DGKB: variants seen among roughly 807,000 people sequenced by gnomAD.
DGKB encodes diacylglycerol kinase beta, also known as 90 kDa diacylglycerol kinase.
In DGKB, 67 loss-of-function variants were observed where a neutral mutation model predicts 114.3. The observed-to-expected ratio is 0.59, with a 90% CI of 0.48 to 0.72. DGKB has a LOEUF of 0.72. Ranked by LOEUF, DGKB falls within the 30% of genes least tolerant of loss-of-function variation. DGKB has a pLI of 0.00. For synonymous variants in DGKB, 398 were observed against 323.1 expected (o/e 1.23, Z -2.49); for missense variants, 907 against 975.2 (o/e 0.93, Z 0.93).
chr7:14,250,742 C>T (rs1324315001), intron 23 of DGKB, among the ~76,000 whole-genome samples: 2 of 152,144 alleles, frequency 1.3e-5, no homozygotes, highest in Non-Finnish European at 2.9e-5. Flanking sequence ...AAGTCCCCTA[C>T]CGTTATTGCA....
At chr7:14,272,700 A>G (rs1189034244) in intron 23 of DGKB, among the ~76,000 whole-genome samples, 1 of 152,142 alleles carries the variant, frequency 6.6e-6, no homozygotes, top group African/African-American at 2.4e-5. Context: ...TCTATGAGAC[A>G]TACATAAAAA....
intron 1 of DGKB, among the ~76,000 whole-genome samples, chr7:14,934,434 G>C (rs1316251106): frequency 6.6e-6 from 1 of 152,002 alleles, no homozygotes; most frequent in African/African-American, 2.4e-5. Flanking sequence ...TGTGAGTGCT[G>C]GAGTACTTGA....
chr7:14,434,503 C>A (rs1468071997), intron 21 of DGKB, among the ~76,000 whole-genome samples: 1 of 152,154 alleles, frequency 6.6e-6, no homozygotes, highest in East Asian at 1.9e-4. Context: ...GCGTTGCTGG[C>A]TTTGCAGATA....
intron 19 of DGKB, among the ~76,000 whole-genome samples, chr7:14,577,154 T>C (rs543463292): frequency 6.6e-6 from 1 of 152,334 alleles, no homozygotes; most frequent in African/African-American, 2.4e-5. Flanking sequence ...TTTACTTTCA[T>C]TATTTTGGTT....
At chr7:14,363,526 T>C (rs1440080044) in intron 21 of DGKB, among the ~76,000 whole-genome samples, 2 of 152,038 alleles carry the variant, frequency 1.3e-5, no homozygotes, top group Non-Finnish European at 2.9e-5. Context: ...AAGCAGCAGA[T>C]ACCAGAAACC....
At chr7:14,435,300 G>A (rs1363776667) in intron 21 of DGKB, among the ~76,000 whole-genome samples, 2 of 152,048 alleles carry the variant, frequency 1.3e-5, no homozygotes, top group Non-Finnish European at 2.9e-5. Flanking sequence ...GGGAATCCCT[G>A]AGTTTTTATG....
chr7:14,429,912 G>A (rs990745556), intron 21 of DGKB, among the ~76,000 whole-genome samples: 5 of 128,270 alleles, frequency 3.9e-5, no homozygotes, highest in African/African-American at 1.5e-4. Context: ...GGGCTACAGA[G>A]TGAGACTCTG....
At chr7:14,520,327 T>C (rs545662580) in intron 20 of DGKB, among the ~76,000 whole-genome samples, 1 of 151,552 alleles carries the variant, frequency 6.6e-6, no homozygotes, top group African/African-American at 2.4e-5. Flanking sequence ...ACTTTATATT[T>C]CATTGATTTG....
chr7:14,446,998 C>T (rs1169852262), intron 21 of DGKB, among the ~76,000 whole-genome samples: 1 of 152,104 alleles, frequency 6.6e-6, no homozygotes, highest in Non-Finnish European at 1.5e-5. Flanking sequence ...TAGGCACAGG[C>T]ACAATAAATT....
intron 1 of DGKB, among the ~76,000 whole-genome samples, chr7:14,853,895 T>G (rs1277041232): frequency 2.1e-5 from 3 of 143,200 alleles, no homozygotes; most frequent in Non-Finnish European, 4.5e-5. Flanking sequence ...AAAAAAAAAT[T>G]TATCATAAAA....
intron 2 of DGKB, among the ~76,000 whole-genome samples, chr7:14,799,335 T>G (rs1562565213): frequency 1.3e-5 from 2 of 152,212 alleles, no homozygotes; most frequent in Non-Finnish European, 2.9e-5. Flanking sequence ...TGCCTCATAA[T>G]TTAGTTAACA....
chr7:14,485,716 C>T (rs1783699803), intron 20 of DGKB, among the ~76,000 whole-genome samples: 1 of 131,976 alleles, frequency 7.6e-6, no homozygotes, highest in South Asian at 2.6e-4. Context: ...GAAACCCCAT[C>T]TCTACTAAAA....
At chr7:14,635,905 G>A (rs184371091) in intron 13 of DGKB, among the ~76,000 whole-genome samples, 205 of 151,632 alleles carry the variant, frequency 1.4e-3, no homozygotes, top group Middle Eastern at 6.8e-3. Flanking sequence ...TATAGTTAGC[G>A]TATTGCTGCT....
intron 2 of DGKB, among the ~76,000 whole-genome samples, chr7:14,776,885 A>G (rs1212875851): frequency 6.6e-6 from 1 of 152,106 alleles, no homozygotes; most frequent in East Asian, 1.9e-4. Context: ...AGCTTGCATC[A>G]TGTGCCTGGA....
intron 2 of DGKB, among the ~76,000 whole-genome samples, chr7:14,827,699 A>T (rs556845061): frequency 6.6e-6 from 1 of 152,160 alleles, no homozygotes; most frequent in African/African-American, 2.4e-5. Flanking sequence ...CGCCTTATGG[A>T]GAAGAAAGAC....
At chr7:14,409,911 A>G (rs1824589614) in intron 21 of DGKB, among the ~76,000 whole-genome samples, 2 of 152,138 alleles carry the variant, frequency 1.3e-5, no homozygotes, top group South Asian at 2.1e-4. Context: ...GTTGTAAGAA[A>G]ACAGTGTAGT....
intron 23 of DGKB, among the ~76,000 whole-genome samples, chr7:14,304,444 G>A (rs569472892): frequency 6.6e-6 from 1 of 150,812 alleles, no homozygotes; most frequent in East Asian, 1.9e-4. Context: ...GTCCCACTTT[G>A]TGCCAAATCT....
chr7:14,571,231 G>T (rs902898245), intron 20 of DGKB, among the ~76,000 whole-genome samples: 5 of 152,198 alleles, frequency 3.3e-5, no homozygotes, highest in African/African-American at 1.2e-4. Context: ...TCAGATTTGG[G>T]TTGCTTCATT....
intron 13 of DGKB, among the ~76,000 whole-genome samples, chr7:14,661,420 A>C (rs1190967535): frequency 1.4e-5 from 2 of 140,622 alleles, no homozygotes; most frequent in African/African-American, 5.2e-5. Context: ...TTCTCAAAAG[A>C]AGACATTTAT....
Sources: allele counts gnomAD v4.1 joint callset (sites outside exome capture counted in the v4.1 genomes callset), GRCh38; gene constraint gnomAD v4.1.1; transcripts MANE v1.5; gene names NCBI Gene and HGNC (gene_info 2026-07-23, HGNC 2026-07-21).